Variants in MAP7 observed in about 807,000 individuals in gnomAD.
The protein encoded by MAP7 is ensconsin.
In MAP7, 52 loss-of-function variants were observed where a neutral mutation model predicts 94.8. The ratio of observed to expected loss-of-function variants is 0.55; its 90% CI spans 0.44 to 0.69. The LOEUF is 0.69. Among genes scored for constraint, MAP7 ranks in the 30% least tolerant of loss-of-function variants. MAP7 has a pLI of 0.00. For synonymous variants in MAP7, 350 were observed against 357.0 expected (o/e 0.98, Z 0.22); for missense variants, 940 against 964.6 (o/e 0.97, Z 0.34).
intron 6 of MAP7, among the ~76,000 whole-genome samples, chr6:136,382,147 C>T (rs964062941): frequency 2.0e-5 from 3 of 152,100 alleles, no homozygotes; most frequent in African/African-American, 7.2e-5. Context: ...CAAGATTCTA[C>T]TGCCTTAAGA....
chr6:136,525,312 G>C (rs1827528382), intron 1 of MAP7, among the ~76,000 whole-genome samples: 1 of 152,176 alleles, frequency 6.6e-6, no homozygotes, highest in Non-Finnish European at 1.5e-5. Flanking sequence ...CTCAATGTTT[G>C]CTGTGCTCCT....
At position 136,356,914 on chromosome 6, in the gene MAP7, C is replaced by T. The variant is rs1323541204; in HGVS notation, c.1913-120G>A. On this transcript the variant is annotated intron_variant, in intron 15 of 17. Transcript: ENST00000354570. Reference sequence around the variant, plus strand: ...TTCTGCTACTTAAGTGATGTGAGACCTTGGGCACATCACCTAAACTCTCTG... The same window carrying T: ...TTCTGCTACTTAAGTGATGTGAGACTTTGGGCACATCACCTAAACTCTCTG... 11 of 716,172 alleles carry T rather than the reference C, an allele frequency of 1.5e-5. No homozygotes were observed. The East Asian group carries it at 2.7e-4, about 17-fold the overall frequency. 44.4% of individuals were successfully genotyped at this position (716,172 alleles called of 1,614,324 possible). A position where few individuals can be genotyped will look rare whatever the true frequency, so the allele number is the denominator to read the frequency against.
chr6:136,420,972 T>G (rs895751542), intron 2 of MAP7, among the ~76,000 whole-genome samples: 4 of 152,196 alleles, frequency 2.6e-5, no homozygotes, highest in Non-Finnish European at 5.9e-5. Flanking sequence ...AAGAACCTCA[T>G]GGGGTATTCG....
chr6:136,428,265 C>T (rs1396953393), intron 1 of MAP7, among the ~76,000 whole-genome samples: 1 of 152,130 alleles, frequency 6.6e-6, no homozygotes, highest in Non-Finnish European at 1.5e-5. Context: ...CCTGCAATCC[C>T]AGCACTTTGG....
chr6:136,546,486 T>C (rs1317860207), intron 1 of MAP7, among the ~76,000 whole-genome samples: 1 of 152,210 alleles, frequency 6.6e-6, no homozygotes, highest in Non-Finnish European at 1.5e-5. Flanking sequence ...TTTGTCTTTC[T>C]GTGCCTGGCT....
chr6:136,398,976 T>G (rs915934035), intron 3 of MAP7, among the ~76,000 whole-genome samples: 2 of 152,166 alleles, frequency 1.3e-5, no homozygotes, highest in Non-Finnish European at 2.9e-5. Context: ...ATTTTACTGC[T>G]GTATGAGAGA....
chr6:136,386,018 G>A (rs886770616), intron 5 of MAP7, among the ~76,000 whole-genome samples: 8 of 152,038 alleles, frequency 5.3e-5, no homozygotes, highest in South Asian at 2.1e-4. Context: ...TAATCCACCC[G>A]CCTCAGCCTC....
chr6:136,358,618 A>C (rs547645471), intron 15 of MAP7, among the ~76,000 whole-genome samples: 12 of 152,328 alleles, frequency 7.9e-5, no homozygotes, highest in Non-Finnish European at 1.3e-4. Context: ...GAAAACCCTT[A>C]ATGTTTATAG....
chr6:136,420,228 A>T (rs1790865575), intron 2 of MAP7: 1 of 1,061,390 alleles, frequency 9.4e-7, no homozygotes. Context: ...AGCCAGGAAC[A>T]TAGAAATCTG....
intron 1 of MAP7, among the ~76,000 whole-genome samples, chr6:136,470,064 T>C (rs1312952597): frequency 6.6e-6 from 1 of 152,162 alleles, no homozygotes; most frequent in African/African-American, 2.4e-5. Context: ...TTGTCTATGC[T>C]GCCACCCTCG....
At chr6:136,458,633 T>A (rs1356362971) in intron 1 of MAP7, among the ~76,000 whole-genome samples, 4 of 152,106 alleles carry the variant, frequency 2.6e-5, no homozygotes, top group Non-Finnish European at 5.9e-5. Flanking sequence ...GGTCAACTGA[T>A]CTTTAACAAG....
intron 1 of MAP7, among the ~76,000 whole-genome samples, chr6:136,442,765 G>T (rs894192673): frequency 2.0e-5 from 3 of 152,186 alleles, no homozygotes; most frequent in Admixed American, 2.0e-4. Flanking sequence ...GGTTTAAGAG[G>T]TGTTGTTGAT....
chr6:136,512,978 T>C (rs1823710594), intron 1 of MAP7, among the ~76,000 whole-genome samples: 1 of 148,412 alleles, frequency 6.7e-6, no homozygotes, highest in Non-Finnish European at 1.5e-5. Flanking sequence ...ACTATAGGCT[T>C]GTGATACCAC....
intron 2 of MAP7, among the ~76,000 whole-genome samples, chr6:136,419,022 T>C (rs1268422880): frequency 6.6e-6 from 1 of 152,174 alleles, no homozygotes; most frequent in East Asian, 1.9e-4. Flanking sequence ...CCTATTTAAC[T>C]TGACTTTAGC....
At chr6:136,438,792 C>T (rs1405133168) in intron 1 of MAP7, among the ~76,000 whole-genome samples, 1 of 152,156 alleles carries the variant, frequency 6.6e-6, no homozygotes, top group Non-Finnish European at 1.5e-5. Context: ...ACAAAATCCA[C>T]TTGCGACAAA....
At chr6:136,451,180 AGATATTTCC>A (rs1800995594) in intron 1 of MAP7, among the ~76,000 whole-genome samples, 1 of 152,234 alleles carries the variant, frequency 6.6e-6, no homozygotes, top group Non-Finnish European at 1.5e-5. Flanking sequence ...ACCCTTGTTT[AGATATTTCC>A]TGATCACCTC....
intron 7 of MAP7, among the ~76,000 whole-genome samples, chr6:136,376,488 T>C (rs886662882): frequency 6.6e-6 from 1 of 152,226 alleles, no homozygotes; most frequent in East Asian, 1.9e-4. Context: ...AGAAAAAATA[T>C]TGAAATAAGC....
chr6:136,482,305 A>G (rs1181406472), intron 1 of MAP7, among the ~76,000 whole-genome samples: 4 of 152,312 alleles, frequency 2.6e-5, no homozygotes, highest in East Asian at 1.9e-4. Context: ...GTTCTACCAT[A>G]AAGACACATA....
At chr6:136,356,650 A>T (rs758129133) in intron 16 of MAP7, 42 bp downstream of exon 16, 14 of 1,493,394 alleles carry the variant, frequency 9.4e-6, no homozygotes, top group African/African-American at 1.4e-5. Context: ...GGTGGGTAAA[A>T]ACAGTAATGT....
Sources: allele counts gnomAD v4.1 joint callset (sites outside exome capture counted in the v4.1 genomes callset), GRCh38; gene constraint gnomAD v4.1.1; transcripts MANE v1.5; gene names NCBI Gene and HGNC (gene_info 2026-07-23, HGNC 2026-07-21).